The following FAM229A variants were observed in gnomAD, a reference collection of about 807,000 sequenced individuals.
FAM229A encodes the protein protein FAM229A.
Under a neutral mutation model 10.0 loss-of-function variants are expected in FAM229A, and 9 were observed. The ratio of observed to expected loss-of-function variants is 0.90; its 90% CI spans 0.54 to 1.56. The LOEUF (loss-of-function observed/expected upper bound fraction) is 1.56. Ranked by LOEUF, FAM229A falls within the 40% of genes most tolerant of loss-of-function variation. FAM229A has a pLI of 0.00. For missense variants in FAM229A, 196 were observed against 197.6 expected, an observed-to-expected ratio of 0.99 and a Z score of 0.05; for synonymous variants, 93 against 90.1, an observed-to-expected ratio of 1.03 and a Z score of -0.19.
rs1317400800 is a variant in FAM229A, at chr1:32,361,512, C to T, written c.305G>A (p.Cys102Tyr). 7.3e-7 allele frequency: 1 copy of T among 1,367,550 alleles called. No homozygotes were observed. The highest frequency in any genetic ancestry group is 9.4e-7 in the Non-Finnish European group (1 of 1,059,794). 84.7% of individuals were successfully genotyped at this position (1,367,550 alleles called of 1,614,324 possible). ...CACGTGCAGCAGCGTCAGGCAGTGGCATCCAGGGCAGCGACGAAGCGGCCT... is the reference window on the plus strand; with the variant it reads ...CACGTGCAGCAGCGTCAGGCAGTGGTATCCAGGGCAGCGACGAAGCGGCCT... ...PVRPLRRCPG[C>Y]HCLTLLHVPI... Residue 102 changes from cysteine to tyrosine, a missense_variant, in exon 3 of 3, where the codon TGC becomes TAC. Cys to Tyr is a radical substitution (Grantham distance 194). Transcript: ENST00000432622.
Position 32,362,197 on chromosome 1 carries a change from C to A in FAM229A, c.-106G>T. 1 of 1,281,002 alleles carries A rather than the reference C, an allele frequency of 7.8e-7. No individual in the cohort carries two copies. 79.4% of individuals were successfully genotyped at this position (1,281,002 alleles called of 1,614,324 possible). A position where few individuals can be genotyped will look rare whatever the true frequency, so the allele number is the denominator to read the frequency against. The stretch of plus-strand genomic sequence containing the variant: ...CCTGGCACTCAGCGCGGGCCAGAAT[C>A]GGGGACTGGAGGCCTCTGGCCATGG... On this transcript the variant is annotated 5_prime_UTR_variant, in exon 1 of 3. Transcript: ENST00000432622.
In FAM229A at chr1:32,361,940, C is replaced by T. The variant is rs955696686; in HGVS notation, c.134+18G>A. On this transcript the variant is annotated intron_variant, in intron 1 of 2. Transcript: ENST00000432622. ...CGGGCGCCGCCGCCTCGCGCCCGCC[C>T]CCTGGGCCGTCGCTCACCTCCCGGC... The T allele has an allele frequency of 4.8e-6, 7 of 1,443,406 alleles. No individual in the cohort carries two copies. The African/African-American group carries it at 8.9e-5, about 18-fold the overall frequency. The allele number at this position is 1,443,406 out of a possible 1,614,324, so 89.4% of individuals were successfully genotyped here.
Position 32,362,316 on chromosome 1 carries a change from CCGCGCATT to C in FAM229A, c.-233_-226del, listed in dbSNP as rs1228168947. On this transcript the variant is annotated 5_prime_UTR_variant, in exon 1 of 3. It removes an upstream start codon present in the reference 5' UTR. Transcript: ENST00000432622. The stretch of plus-strand genomic sequence containing the variant: ...GCGAGGCGGCGTCCACGCCGAGGAG[CCGCGCATT>C]CCCGGTCCACACAGACGCGGCGGAG... 3.8e-6 allele frequency: 2 copies of C among 524,378 alleles called. No homozygotes were observed. The highest frequency in any genetic ancestry group is 6.1e-6 in the Non-Finnish European group (2 of 329,918). 32.5% of individuals were successfully genotyped at this position (524,378 alleles called of 1,614,324 possible). A position where few individuals can be genotyped will look rare whatever the true frequency, so the allele number is the denominator to read the frequency against.
In FAM229A at chr1:32,362,122, C is replaced by T; in HGVS notation, c.-31G>A. The T allele has an allele frequency of 7.4e-7, 1 of 1,346,544 alleles. No individual in the cohort carries two copies. Among genetic ancestry groups the T allele is most frequent in the Non-Finnish European group, 9.5e-7 (1 of 1,051,070 alleles). The allele number at this position is 1,346,544 out of a possible 1,614,324, so 83.4% of individuals were successfully genotyped here. A position where few individuals can be genotyped will look rare whatever the true frequency, so the allele number is the denominator to read the frequency against. ...CCCGGGCCGCGGCGCGCTGACCTCACAGAGCACGTTCCTCCCACTGGAGAA... is the reference window on the plus strand; with the variant it reads ...CCCGGGCCGCGGCGCGCTGACCTCATAGAGCACGTTCCTCCCACTGGAGAA... On this transcript the variant is annotated 5_prime_UTR_variant, in exon 1 of 3. The change creates a new upstream start codon in the 5' untranslated region. Transcript: ENST00000432622.
intron 1 of FAM229A, 40 bp from the exon 2 acceptor site, chr1:32,361,916 G>A: frequency 7.2e-7 from 1 of 1,382,826 alleles, no homozygotes; most frequent in Non-Finnish European, 9.3e-7. Flanking sequence ...CCGGGTCGCC[G>A]GGCGCCGCCG....
chr1:32,361,427 G>A lies in FAM229A; in HGVS notation c.*6C>T. 7.5e-7 allele frequency: 1 copy of A among 1,325,866 alleles called. No individual in the cohort carries two copies. Among genetic ancestry groups the A allele is most frequent in the African/African-American group, 1.5e-5 (1 of 65,022 alleles). 82.1% of individuals were successfully genotyped at this position (1,325,866 alleles called of 1,614,324 possible). ...GCTCCCGCGGAGCCGCAGGGAGCAG[G>A]CGCACTCACGTGGCGCGGGCCCGGG... is the stretch of plus-strand genomic sequence containing the variant. On this transcript the variant is annotated 3_prime_UTR_variant, in exon 3 of 3. Transcript: ENST00000432622.
Position 32,362,099 on chromosome 1 carries a change from C to A in FAM229A, c.-8G>T. The A allele has an allele frequency of 7.3e-7, 1 of 1,374,158 alleles. No homozygotes were observed. The highest frequency in any genetic ancestry group is 9.4e-7 in the Non-Finnish European group (1 of 1,066,188). The allele number at this position is 1,374,158 out of a possible 1,614,324, so 85.1% of individuals were successfully genotyped here. A position where few individuals can be genotyped will look rare whatever the true frequency, so the allele number is the denominator to read the frequency against. On this transcript the variant is annotated 5_prime_UTR_variant, in exon 1 of 3. Transcript: ENST00000432622. ...CGTCGAGGAGGGCAGCATTGTGACCCGGGCCGCGGCGCGCTGACCTCACAG... is the reference window on the plus strand; with the variant it reads ...CGTCGAGGAGGGCAGCATTGTGACCAGGGCCGCGGCGCGCTGACCTCACAG...
intron 2 of FAM229A, 48 bp downstream of exon 2, chr1:32,361,682 G>A: frequency 7.8e-7 from 1 of 1,286,094 alleles, no homozygotes; most frequent in Non-Finnish European, 9.9e-7. Flanking sequence ...TGGGACGGAG[G>A]GCGGGGCCGC....
Position 32,361,826 on chromosome 1 carries a change from C to A in FAM229A, c.185G>T (p.Arg62Ile). 1 of 1,333,330 alleles carries A rather than the reference C, an allele frequency of 7.5e-7. No individual in the cohort carries two copies. Among genetic ancestry groups the A allele is most frequent in the African/African-American group, 1.5e-5 (1 of 65,004 alleles). 82.6% of individuals were successfully genotyped at this position (1,333,330 alleles called of 1,614,324 possible). ...MSAQEPPQGR[R>I]FPIEAGDSRG... ...GGAGTCTCCGGCCTCAATGGGGAAT[C>A]TCCGACCCTGCGGGGGCTCCTGGGC... The change falls in exon 2 of 3, where the codon AGA becomes ATA. Residue 62 changes from arginine (R) to isoleucine (I), a missense_variant. Physicochemically the swap from Arg to Ile is moderately conservative, Grantham distance 97 (BLOSUM62 -3). Transcript: ENST00000432622.
At position 32,361,436 on chromosome 1, in the gene FAM229A, C is replaced by T; in HGVS notation, c.381G>A (p.Thr127=). ...GAGCCGCAGGGAGCAGGCGCACTCA[C>T]GTGGCGCGGGCCCGGGGGCTCCCGC... ...AMGGSPRARA[T] Residue 127 remains threonine (T), a synonymous_variant, in exon 3 of 3, where the codon ACG becomes ACA. Transcript: ENST00000432622. The T allele has an allele frequency of 1.5e-6, 2 of 1,341,136 alleles. No homozygotes were observed. The highest frequency in any genetic ancestry group is 1.9e-6 in the Non-Finnish European group (2 of 1,045,166). 83.1% of individuals were successfully genotyped at this position (1,341,136 alleles called of 1,614,324 possible). A position where few individuals can be genotyped will look rare whatever the true frequency, so the allele number is the denominator to read the frequency against.
rs1265495116 is a variant in FAM229A, at chr1:32,361,821, G to T, written c.190C>A (p.Pro64Thr). 1 of 1,330,622 alleles carries T rather than the reference G, an allele frequency of 7.5e-7. No homozygotes were observed. The highest frequency in any genetic ancestry group is 9.6e-7 in the Non-Finnish European group (1 of 1,043,706). The allele number at this position is 1,330,622 out of a possible 1,614,324, so 82.4% of individuals were successfully genotyped here. ...AQEPPQGRRF[P>T]IEAGDSRGLA... ...CCACGGGAGTCTCCGGCCTCAATGG[G>T]GAATCTCCGACCCTGCGGGGGCTCC... Residue 64 changes from proline (P) to threonine (T), a missense_variant, in exon 2 of 3, where the codon CCC becomes ACC. Transcript: ENST00000432622.
At position 32,361,977 on chromosome 1, in the gene FAM229A, G is replaced by C; in HGVS notation, c.115C>G (p.Pro39Ala). The change falls in exon 1 of 3, where the codon CCG becomes GCG. Residue 39 changes from proline to alanine, a missense_variant. By Grantham distance (27) the Pro-to-Ala change is conservative. Coordinates refer to ENST00000432622, the MANE Select transcript of FAM229A (RefSeq NM_001167676.2). The stretch of plus-strand genomic sequence containing the variant: ...GCTCACCTCCCGGCGGTTGAGACCG[G>C]TCCCAGGCTAGAAGCAGCTGCCGGA... ...RAPAAASSLG[P>A]VSTAGRAPRG... 1.3e-6 allele frequency: 2 copies of C among 1,483,356 alleles called. No homozygotes were observed. Among genetic ancestry groups the C allele is most frequent in the Non-Finnish European group, 1.8e-6 (2 of 1,124,384 alleles). 91.9% of individuals were successfully genotyped at this position (1,483,356 alleles called of 1,614,324 possible).
At position 32,361,882 on chromosome 1, in the gene FAM229A, CGG is replaced by C; in HGVS notation, c.135-8_135-7del. The stretch of plus-strand genomic sequence containing the variant: ...TGTCCAAGCCCCGGGGCGCTCTGCG[CGG>C]GGAGTGGCGGTCAGGCCTCTCCCGG... On this transcript the variant is annotated splice_region_variant and splice_polypyrimidine_tract_variant and intron_variant, in intron 1 of 2. Coordinates refer to ENST00000432622, the MANE Select transcript of FAM229A (RefSeq NM_001167676.2). 1 of 1,344,756 alleles carries C rather than the reference CGG, an allele frequency of 7.4e-7. No homozygotes were observed. The highest frequency in any genetic ancestry group is 9.5e-7 in the Non-Finnish European group (1 of 1,052,676). The allele number at this position is 1,344,756 out of a possible 1,614,324, so 83.3% of individuals were successfully genotyped here.
Position 32,362,220 on chromosome 1 carries a change from T to C in FAM229A, c.-129A>G. 4.9e-6 allele frequency: 6 copies of C among 1,219,594 alleles called. No homozygotes were observed. The South Asian group carries it at 1.2e-4, about 24-fold the overall frequency. 75.5% of individuals were successfully genotyped at this position (1,219,594 alleles called of 1,614,324 possible). A position where few individuals can be genotyped will look rare whatever the true frequency, so the allele number is the denominator to read the frequency against. On this transcript the variant is annotated 5_prime_UTR_variant, in exon 1 of 3. The change abolishes an upstream ATG in the 5' untranslated region. Transcript: ENST00000432622. The stretch of plus-strand genomic sequence containing the variant: ...ATCGGGGACTGGAGGCCTCTGGCCA[T>C]GGCGCCTGGAGACGGGGTCGCGCAG...
rs1641714946 is a variant in FAM229A, at chr1:32,362,173, CT to C, written c.-83del. The C allele has an allele frequency of 3.1e-6, 4 of 1,296,006 alleles. No individual in the cohort carries two copies. Among genetic ancestry groups the C allele is most frequent in the Non-Finnish European group, 3.9e-6 (4 of 1,023,044 alleles). 80.3% of individuals were successfully genotyped at this position (1,296,006 alleles called of 1,614,324 possible). On this transcript the variant is annotated 5_prime_UTR_variant, in exon 1 of 3. The change abolishes the stop of an existing upstream ORF in the 5' untranslated region. Transcript: ENST00000432622. ...CCCCCAACGGTGCCCCCTGCCGCCC[CT>C]GGCACTCAGCGCGGGCCAGAATCGG...
chr1:32,362,389 G>A lies in FAM229A; in HGVS notation c.-298C>T, dbSNP rs984946466. ...GGACTACAACTCAATGCCTGGCACG[G>A]GGGCGGGCTCGGCGGTGACTTAATC... On this transcript the variant is annotated 5_prime_UTR_variant, in exon 1 of 3. Transcript: ENST00000432622. 1 of 482,238 alleles carries A rather than the reference G, an allele frequency of 2.1e-6. No homozygotes were observed. Among genetic ancestry groups the A allele is most frequent in the African/African-American group, 2.0e-5 (1 of 51,142 alleles). 29.9% of individuals were successfully genotyped at this position (482,238 alleles called of 1,614,324 possible). A position where few individuals can be genotyped will look rare whatever the true frequency, so the allele number is the denominator to read the frequency against.
chr1:32,362,070 CGGGCGT>C lies in FAM229A; in HGVS notation c.16_21del (p.Thr6_Pro7del). 1 of 1,427,756 alleles carries C rather than the reference CGGGCGT, an allele frequency of 7.0e-7. No homozygotes were observed. The highest frequency in any genetic ancestry group is 9.1e-7 in the Non-Finnish European group (1 of 1,095,252). The allele number at this position is 1,427,756 out of a possible 1,614,324, so 88.4% of individuals were successfully genotyped here. ...CAGGTCTCTGTGGCGTGCCCGGGCC[CGGGCGT>C]CGAGGAGGGCAGCATTGTGACCCGG... is the stretch of plus-strand genomic sequence containing the variant. On this transcript the variant is annotated inframe_deletion, in exon 1 of 3. Transcript: ENST00000432622.
chr1:32,361,450 G>C lies in FAM229A; in HGVS notation c.367C>G (p.Arg123Gly). ...DVYLAMGGSP[R>G]ARAT ...AGGCGCACTCACGTGGCGCGGGCCC[G>C]GGGGCTCCCGCCCATGGCGAGGTAG... The change falls in exon 3 of 3, where the codon CGG (arginine) becomes GGG (glycine). Residue 123 changes from arginine (R) to glycine (G), a missense_variant. Transcript: ENST00000432622. The C allele has an allele frequency of 4.4e-6, 6 of 1,356,948 alleles. No individual in the cohort carries two copies. The highest frequency in any genetic ancestry group is 1.7e-5 in the South Asian group (1 of 59,572). The allele number at this position is 1,356,948 out of a possible 1,614,324, so 84.1% of individuals were successfully genotyped here. A position where few individuals can be genotyped will look rare whatever the true frequency, so the allele number is the denominator to read the frequency against.
At position 32,361,360 on chromosome 1, in the gene FAM229A, G is replaced by A; in HGVS notation, c.*73C>T. 2 of 730,834 alleles carry A rather than the reference G, an allele frequency of 2.7e-6. No homozygotes were observed. Among genetic ancestry groups the A allele is most frequent in the Middle Eastern group, 4.3e-4 (1 of 2,344 alleles). 45.3% of individuals were successfully genotyped at this position (730,834 alleles called of 1,614,324 possible). A position where few individuals can be genotyped will look rare whatever the true frequency, so the allele number is the denominator to read the frequency against. On this transcript the variant is annotated 3_prime_UTR_variant, in exon 3 of 3. Coordinates refer to ENST00000432622, the MANE Select transcript of FAM229A (RefSeq NM_001167676.2). ...TCATTGTCTCGTGCTCGGCGCATGCGACCTCAGCGTGGTGGCCCGCTGGGG... is the reference window on the plus strand; with the variant it reads ...TCATTGTCTCGTGCTCGGCGCATGCAACCTCAGCGTGGTGGCCCGCTGGGG...
Sources: allele counts gnomAD v4.1 joint callset, GRCh38; gene constraint gnomAD v4.1.1; transcripts MANE v1.5; gene names NCBI Gene and HGNC (gene_info 2026-07-23, HGNC 2026-07-21).